CCL28: variants seen among roughly 807,000 people sequenced by gnomAD.
CCL28 encodes C-C motif chemokine 28.
A neutral mutation model predicts 7.1 loss-of-function variants in CCL28; 4 were observed. The observed-to-expected ratio is 0.56, with a 90% CI of 0.28 to 1.29. The LOEUF is 1.29. Ranked by LOEUF, CCL28 falls within the 50% of genes most tolerant of loss-of-function variation. The probability of loss-of-function intolerance (pLI) is 0.11; values close to 1 mark genes in which losing one functional copy is unlikely to be tolerated. For missense variants in CCL28, 151 were observed against 163.4 expected, an observed-to-expected ratio of 0.92 and a Z score of 0.41; for synonymous variants, 55 against 57.8, an observed-to-expected ratio of 0.95 and a Z score of 0.22.
chr5:43,402,078 A>G (rs1276923495), intron 1 of CCL28, among the ~76,000 whole-genome samples: 1 of 152,196 alleles, frequency 6.6e-6, no homozygotes, highest in Non-Finnish European at 1.5e-5. Context: ...CCTGCAAACT[A>G]GAAGGTGGAT....
At chr5:43,358,879 T>C in the CCL28 span, among the ~76,000 whole-genome samples, 1 of 152,372 alleles carries the variant, frequency 6.6e-6, no homozygotes, top group South Asian at 2.1e-4. Flanking sequence ...CTAGCATGAC[T>C]GACTCTGTCT....
At chr5:43,361,971 C>A in the CCL28 span, among the ~76,000 whole-genome samples, 1 of 151,844 alleles carries the variant, frequency 6.6e-6, no homozygotes, top group Non-Finnish European at 1.5e-5. Flanking sequence ...ATTGCCTTGG[C>A]TATTCAGGCT....
At chr5:43,394,018 T>C (rs1289773325) in intron 1 of CCL28, among the ~76,000 whole-genome samples, 2 of 152,220 alleles carry the variant, frequency 1.3e-5, no homozygotes, top group African/African-American at 2.4e-5. Flanking sequence ...TACTCAGTAA[T>C]ACTTTTTTTT....
At chr5:43,384,035 A>G in intron 2 of CCL28, 1 of 181,100 alleles carries the variant, frequency 5.5e-6, no homozygotes, top group Non-Finnish European at 1.3e-5. Context: ...GGTTGTAGTG[A>G]GCTGAGATCA....
At chr5:43,370,604 G>GCACTGGGT in the CCL28 span, among the ~76,000 whole-genome samples, 2 of 152,034 alleles carry the variant, frequency 1.3e-5, no homozygotes, top group African/African-American at 2.4e-5. Context: ...GAGTTATGTT[G>GCACTGGGT]CACTGGGTCA....
At chr5:43,410,126 T>C (rs542308878) in intron 1 of CCL28, among the ~76,000 whole-genome samples, 11 of 152,352 alleles carry the variant, frequency 7.2e-5, no homozygotes, top group African/African-American at 2.6e-4. Context: ...GCCTTTTTCC[T>C]ATTCCCCTTG....
the CCL28 span, among the ~76,000 whole-genome samples, chr5:43,370,742 CTCT>C: frequency 5.1e-5 from 2 of 38,970 alleles, no homozygotes; most frequent in African/African-American, 1.2e-4. Context: ...CTCTTTCTCT[CTCT>C]TTTTTTTTTT....
intron 1 of CCL28, among the ~76,000 whole-genome samples, chr5:43,396,709 A>G (rs895902661): frequency 2.6e-5 from 4 of 152,208 alleles, no homozygotes; most frequent in Non-Finnish European, 5.9e-5. Context: ...ACGTGTGTTC[A>G]ACTAAAAACC....
At chr5:43,405,983 T>G (rs1212571244) in intron 1 of CCL28, among the ~76,000 whole-genome samples, 1 of 151,798 alleles carries the variant, frequency 6.6e-6, no homozygotes, top group Non-Finnish European at 1.5e-5. Context: ...AATAACAGGC[T>G]CTGAAATTGA....
chr5:43,362,755 A>G, the CCL28 span, among the ~76,000 whole-genome samples: 1 of 152,224 alleles, frequency 6.6e-6, no homozygotes, highest in Non-Finnish European at 1.5e-5. Context: ...TTGGAGAACT[A>G]GAAATGCTGA....
At chr5:43,363,466 G>C in the CCL28 span, among the ~76,000 whole-genome samples, 2 of 152,178 alleles carry the variant, frequency 1.3e-5, no homozygotes, top group Admixed American at 6.5e-5. Flanking sequence ...CACAGTTGCA[G>C]CTGTCCTGGG....
the CCL28 span, among the ~76,000 whole-genome samples, chr5:43,366,940 A>G: frequency 6.6e-6 from 1 of 152,226 alleles, no homozygotes; most frequent in Non-Finnish European, 1.5e-5. Flanking sequence ...GGCTTTGTTT[A>G]AACTGTGTTT....
At chr5:43,404,931 A>T (rs1741206573) in intron 1 of CCL28, among the ~76,000 whole-genome samples, 2 of 152,244 alleles carry the variant, frequency 1.3e-5, no homozygotes, top group Non-Finnish European at 2.9e-5. Flanking sequence ...CATAACGGTA[A>T]AGGTATCAAT....
chr5:43,357,516 G>A, the CCL28 span, among the ~76,000 whole-genome samples: 1 of 152,216 alleles, frequency 6.6e-6, no homozygotes, highest in Non-Finnish European at 1.5e-5. Context: ...TGGGGAAGTA[G>A]GCTTGGTGGA....
Position 43,381,881 on chromosome 5 carries a change from G to A in CCL28, c.363C>T (p.Tyr121=), listed in dbSNP as rs774233750. Residue 121 remains tyrosine (Y), a synonymous_variant, in exon 3 of 3, where the codon TAC becomes TAT. Transcript: ENST00000361115. ...NRAHQGKHET[Y]GHKTPY is the part of the protein sequence containing the mutation. Reference sequence around the variant, plus strand: ...CTCTCTAATAAGGAGTTTTATGGCCGTATGTTTCGTGTTTCCCCTGATGTG... The same window carrying A: ...CTCTCTAATAAGGAGTTTTATGGCCATATGTTTCGTGTTTCCCCTGATGTG... 72 of 1,613,320 alleles carry A rather than the reference G, an allele frequency of 4.5e-5. No homozygotes were observed. The East Asian group carries it at 7.6e-4, about 17-fold the overall frequency.
At chr5:43,404,604 C>T (rs1423424325) in intron 1 of CCL28, among the ~76,000 whole-genome samples, 5 of 152,040 alleles carry the variant, frequency 3.3e-5, no homozygotes, top group East Asian at 1.9e-4. Context: ...CATCAACTAA[C>T]GGGCAAAATA....
Position 43,381,771 on chromosome 5 carries a change from C to T in CCL28, c.*89G>A. 8.9e-7 allele frequency: 1 copy of T among 1,123,206 alleles called. No homozygotes were observed. The highest frequency in any genetic ancestry group is 1.3e-6 in the Non-Finnish European group (1 of 773,108). 69.6% of individuals were successfully genotyped at this position (1,123,206 alleles called of 1,614,324 possible). A position where few individuals can be genotyped will look rare whatever the true frequency, so the allele number is the denominator to read the frequency against. ...ATATTTTGTTTTGTTCTGTTGTCTA[C>T]AATAAGGAGAATTCAGATGATAAAC... On this transcript the variant is annotated 3_prime_UTR_variant, in exon 3 of 3. Coordinates refer to ENST00000361115, the MANE Select transcript of CCL28 (RefSeq NM_148672.3).
the CCL28 span, among the ~76,000 whole-genome samples, chr5:43,359,515 G>A: frequency 1.3e-5 from 2 of 152,128 alleles, no homozygotes; most frequent in African/African-American, 4.8e-5. Flanking sequence ...CCTCATTCTG[G>A]TAAACCCACA....
At chr5:43,385,184 A>G (rs1740290158) in intron 2 of CCL28, among the ~76,000 whole-genome samples, 1 of 152,218 alleles carries the variant, frequency 6.6e-6, no homozygotes, top group Admixed American at 6.5e-5. Flanking sequence ...GGCGTGAGCC[A>G]CCGCGCCCGG....
Sources: gnomAD v4.1 joint callset for allele counts (sites outside exome capture counted in the v4.1 genomes callset) on GRCh38, gnomAD v4.1.1 for gene constraint, MANE v1.5 for transcripts, NCBI Gene and HGNC (gene_info 2026-07-23, HGNC 2026-07-21) for gene names.